Variants in NELL1 observed in about 807,000 individuals in gnomAD.
NELL1 encodes protein kinase C-binding protein NELL1.
NELL1 carries 76 observed loss-of-function variants against 107.4 expected under a neutral mutation model. The observed-to-expected ratio is 0.71, with a 90% CI of 0.59 to 0.86. The LOEUF (loss-of-function observed/expected upper bound fraction) is 0.86, where lower values mean the gene tolerates loss of function less well. Among genes scored for constraint, NELL1 ranks in the 40% least tolerant of loss-of-function variants. The pLI is 0.00. For missense variants in NELL1, 1,024 were observed against 1,005.5 expected (o/e 1.02, Z -0.25); for synonymous variants, 353 against 341.2 (o/e 1.03, Z -0.38).
chr11:20,685,723 GC>G (rs1854291149), intron 2 of NELL1, among the ~76,000 whole-genome samples: 1 of 152,022 alleles, frequency 6.6e-6, no homozygotes, highest in Non-Finnish European at 1.5e-5. Context: ...TATAGCTTTG[GC>G]TTTTTTTCCC....
chr11:20,749,084 A>G (rs773780478), intron 2 of NELL1, among the ~76,000 whole-genome samples: 1 of 150,662 alleles, frequency 6.6e-6, no homozygotes, highest in Non-Finnish European at 1.5e-5. Context: ...AGTGATAGAA[A>G]CAGACGTTAA....
chr11:21,060,921 G>A (rs1853725248), intron 12 of NELL1, among the ~76,000 whole-genome samples: 2 of 152,290 alleles, frequency 1.3e-5, no homozygotes, highest in South Asian at 4.1e-4. Context: ...TTTTTTAGTA[G>A]AGATGGGGTT....
intron 13 of NELL1, among the ~76,000 whole-genome samples, chr11:21,212,113 A>G (rs1301551983): frequency 6.6e-6 from 1 of 152,138 alleles, no homozygotes; most frequent in African/African-American, 2.4e-5. Context: ...GGTGTGAACC[A>G]TGGTTCTGCT....
chr11:21,103,547 T>C (rs528082665), intron 12 of NELL1, among the ~76,000 whole-genome samples: 24 of 152,300 alleles, frequency 1.6e-4, no homozygotes, highest in African/African-American at 5.3e-4. Context: ...AATTGATACA[T>C]GCAAAATGCT....
intron 2 of NELL1, among the ~76,000 whole-genome samples, chr11:20,689,454 G>T (rs1854397211): frequency 9.8e-6 from 1 of 101,886 alleles, no homozygotes; most frequent in African/African-American, 4.1e-5. Context: ...CCCCACAACA[G>T]TCCCCAGAGT....
chr11:21,279,484 A>C (rs1040774649), intron 14 of NELL1, among the ~76,000 whole-genome samples: 3 of 152,188 alleles, frequency 2.0e-5, no homozygotes, highest in Non-Finnish European at 4.4e-5. Flanking sequence ...CTAGGTAGCT[A>C]ATAAACATAT....
At chr11:20,978,623 A>G (rs1375836920) in intron 12 of NELL1, among the ~76,000 whole-genome samples, 1 of 152,170 alleles carries the variant, frequency 6.6e-6, no homozygotes, top group East Asian at 1.9e-4. Context: ...TCTCCCATAG[A>G]TTCAGGCATG....
At chr11:20,871,095 T>C (rs1466649812) in intron 4 of NELL1, among the ~76,000 whole-genome samples, 1 of 152,236 alleles carries the variant, frequency 6.6e-6, no homozygotes, top group East Asian at 1.9e-4. Flanking sequence ...CTTTTTGTTT[T>C]TGTTCTTAAT....
intron 15 of NELL1, among the ~76,000 whole-genome samples, chr11:21,499,658 A>G (rs1208678791): frequency 1.3e-5 from 2 of 152,108 alleles, no homozygotes; most frequent in Non-Finnish European, 2.9e-5. Context: ...GGTCAACTCT[A>G]CTATAAAGAT....
chr11:21,014,806 C>T (rs926332550), intron 12 of NELL1, among the ~76,000 whole-genome samples: 5 of 152,014 alleles, frequency 3.3e-5, no homozygotes, highest in Admixed American at 2.0e-4. Context: ...ATCTTATAAT[C>T]AACATATATG....
chr11:21,570,196 G>A (rs1157883744), intron 17 of NELL1, among the ~76,000 whole-genome samples: 2 of 151,896 alleles, frequency 1.3e-5, no homozygotes, highest in Admixed American at 6.6e-5. Context: ...ACTTTAAGGC[G>A]ATCTTGCCAA....
chr11:21,157,760 GAT>G (rs1031320417), intron 13 of NELL1, among the ~76,000 whole-genome samples: 1 of 152,192 alleles, frequency 6.6e-6, no homozygotes, highest in Non-Finnish European at 1.5e-5. Flanking sequence ...TGCCTTTGGT[GAT>G]TAGTTTAACC....
At chr11:21,003,014 T>A (rs7125058) in intron 12 of NELL1, among the ~76,000 whole-genome samples, 8 of 152,066 alleles carry the variant, frequency 5.3e-5, no homozygotes, top group African/African-American at 1.7e-4. Flanking sequence ...CATCCATTAG[T>A]GGAATTGATT....
At chr11:21,565,909 A>T (rs1856961621) in intron 17 of NELL1, among the ~76,000 whole-genome samples, 1 of 151,984 alleles carries the variant, frequency 6.6e-6, no homozygotes, top group Non-Finnish European at 1.5e-5. Flanking sequence ...AAAAGATTGG[A>T]AATCACAGCT....
chr11:20,717,383 G>T (rs897471922), intron 2 of NELL1, among the ~76,000 whole-genome samples: 2 of 152,108 alleles, frequency 1.3e-5, no homozygotes, highest in Non-Finnish European at 2.9e-5. Context: ...AATACTCCAA[G>T]ATTTTCCCTG....
intron 14 of NELL1, among the ~76,000 whole-genome samples, chr11:21,259,694 TA>T (rs1858857134): frequency 6.6e-6 from 1 of 151,938 alleles, no homozygotes; most frequent in Non-Finnish European, 1.5e-5. Flanking sequence ...TGCAAAATAC[TA>T]AGTCGGAGTT....
At chr11:21,267,244 T>A (rs753977863) in intron 14 of NELL1, among the ~76,000 whole-genome samples, 5 of 152,076 alleles carry the variant, frequency 3.3e-5, no homozygotes, top group Admixed American at 6.6e-5. Context: ...TGTGCAATAA[T>A]GTTACTTATA....
chr11:21,369,234 T>C (rs543997607), intron 14 of NELL1, among the ~76,000 whole-genome samples: 2 of 152,064 alleles, frequency 1.3e-5, no homozygotes, highest in Non-Finnish European at 2.9e-5. Flanking sequence ...AACACTTTAC[T>C]GTTCTTTGAA....
In NELL1 at chr11:21,193,177, G is replaced by T. The variant is rs1034713531; in HGVS notation, c.1427-36155G>T. On this transcript the variant is annotated intron_variant, in intron 13 of 19. Coordinates refer to ENST00000357134, the MANE Select transcript of NELL1 (RefSeq NM_006157.5). ...AAATCCAAAAATTTAGATTGAGTAG[G>T]TAAATGGGGTAATTTTTAATGTTGC... Among the ~76,000 whole-genome samples the T allele has an allele frequency of 1.3e-5, 2 of 151,912 alleles. 1 individual carries two copies.
Sources: gnomAD v4.1 joint callset for allele counts (sites outside exome capture counted in the v4.1 genomes callset) on GRCh38, gnomAD v4.1.1 for gene constraint, MANE v1.5 for transcripts, NCBI Gene and HGNC (gene_info 2026-07-23, HGNC 2026-07-21) for gene names.